Variants in PRKD1 observed in about 807,000 individuals in gnomAD.
PRKD1 encodes the protein serine/threonine-protein kinase D1.
PRKD1 carries 63 observed loss-of-function variants against 95.9 expected under a neutral mutation model. The ratio of observed to expected loss-of-function variants is 0.66; its 90% CI spans 0.54 to 0.81. PRKD1 has a LOEUF of 0.81. Ranked by LOEUF, PRKD1 falls within the 30% of genes least tolerant of loss-of-function variation. The probability of loss-of-function intolerance (pLI) is 0.00; values close to 1 mark genes in which losing one functional copy is unlikely to be tolerated. For synonymous variants in PRKD1, 425 were observed against 423.1 expected (o/e 1.00, Z -0.05); for missense variants, 1,048 against 1,165.3 (o/e 0.90, Z 1.47).
At chr14:29,656,516 T>C in intron 4 of PRKD1, 2 of 1,535,164 alleles carry the variant, frequency 1.3e-6, no homozygotes, top group Non-Finnish European at 1.7e-6. Flanking sequence ...CATGAAGTTG[T>C]AAGAGCAAAA....
intron 12 of PRKD1, among the ~76,000 whole-genome samples, chr14:29,624,499 G>A (rs932932713): frequency 3.3e-5 from 5 of 151,912 alleles, no homozygotes; most frequent in Non-Finnish European, 5.9e-5. Context: ...AAAGCTATAC[G>A]TATCAACACC....
intron 13 of PRKD1, among the ~76,000 whole-genome samples, chr14:29,623,683 T>C (rs956172173): frequency 5.9e-5 from 9 of 152,182 alleles, no homozygotes; most frequent in African/African-American, 2.2e-4. Context: ...CAATGCCCGA[T>C]GTCAAATGAA....
intron 1 of PRKD1, among the ~76,000 whole-genome samples, chr14:29,919,827 G>T (rs761624296): frequency 6.6e-6 from 1 of 152,028 alleles, no homozygotes; most frequent in Non-Finnish European, 1.5e-5. Flanking sequence ...TCATCCAGGC[G>T]TGGTGGCACA....
At position 29,624,252 on chromosome 14, in the gene PRKD1, T is replaced by C. The variant is rs1412761695; in HGVS notation, c.1805A>G (p.His602Arg). The C allele has an allele frequency of 1.0e-5, 16 of 1,596,778 alleles. No individual in the cohort carries two copies. The East Asian group carries it at 2.9e-4, about 29-fold the overall frequency. The change falls in exon 13 of 18, where the codon CAT becomes CGT. Residue 602 changes from histidine to arginine, a missense_variant. This residue lies in a region of PRKD1 where 739 missense variants were observed against 861.9 expected (regional missense o/e 0.86). Coordinates refer to ENST00000331968, the MANE Select transcript of PRKD1 (RefSeq NM_002742.3). ...AGCTACATCTCTTCCTGTTTTACGA[T>C]GTTTTCCTTTAAAATGAAAAAGGGA... is the stretch of plus-strand genomic sequence containing the variant. Reference protein sequence around the residue: ...GQFGIVYGGKHRKTGRDVAIK... With the variant: ...GQFGIVYGGKRRKTGRDVAIK...
rs576562000 is a variant in PRKD1 at position 29,700,966 on chromosome 14, G to A, written c.403+24570C>T. Among the ~76,000 whole-genome samples, 5 of 44,052 alleles carry A rather than the reference G, an allele frequency of 1.1e-4. No individual in the cohort carries two copies. In the South Asian group the frequency reaches 3.6e-3, roughly 32 times the overall value. 28.9% of individuals were successfully genotyped at this position (44,052 alleles called of 152,430 possible). Reference sequence around the variant, plus strand: ...TTCCTCCCAAGGCATTTGTGTGTACGCGTGCGCATGCGCGCGCGCGCGCAC... The same window carrying A: ...TTCCTCCCAAGGCATTTGTGTGTACACGTGCGCATGCGCGCGCGCGCGCAC... On this transcript the variant is annotated intron_variant, in intron 2 of 17. Transcript: ENST00000331968.
At chr14:29,773,867 T>C (rs942875574) in intron 1 of PRKD1, among the ~76,000 whole-genome samples, 1 of 152,236 alleles carries the variant, frequency 6.6e-6, no homozygotes, top group African/African-American at 2.4e-5. Context: ...TAAGCGATTA[T>C]GATCAGTAGT....
At chr14:29,752,513 C>T (rs1226754703) in intron 1 of PRKD1, among the ~76,000 whole-genome samples, 2 of 151,818 alleles carry the variant, frequency 1.3e-5, no homozygotes, top group African/African-American at 4.8e-5. Context: ...CACATACAAG[C>T]ACTTTTTATT....
intron 4 of PRKD1, among the ~76,000 whole-genome samples, chr14:29,655,520 G>C (rs953553725): frequency 1.3e-5 from 2 of 152,120 alleles, no homozygotes; most frequent in Non-Finnish European, 2.9e-5. Context: ...ATAACAGTAT[G>C]TCAACTCTCA....
At chr14:29,668,658 A>T (rs1336242227) in intron 2 of PRKD1, among the ~76,000 whole-genome samples, 1 of 152,232 alleles carries the variant, frequency 6.6e-6, no homozygotes. Flanking sequence ...TACAGAAGAA[A>T]TAAGGCTTCT....
chr14:29,868,224 A>G (rs889734108), intron 1 of PRKD1, among the ~76,000 whole-genome samples: 9 of 152,090 alleles, frequency 5.9e-5, no homozygotes, highest in African/African-American at 2.2e-4. Context: ...ATCAAGAAAA[A>G]CCCACGCTGA....
intron 16 of PRKD1, among the ~76,000 whole-genome samples, chr14:29,596,797 T>C (rs45606033): frequency 0.062 from 9,372 of 152,262 alleles, 950 homozygotes; most frequent in African/African-American, 0.21. Context: ...CTTTCCGAAG[T>C]ACTGAATGAG....
chr14:29,787,569 T>A (rs562865399), intron 1 of PRKD1, among the ~76,000 whole-genome samples: 1 of 152,122 alleles, frequency 6.6e-6, no homozygotes, highest in African/African-American at 2.4e-5. Flanking sequence ...GATCCTCTTA[T>A]CATTATATAA....
chr14:29,815,935 T>C (rs1890668997), intron 1 of PRKD1, among the ~76,000 whole-genome samples: 1 of 152,112 alleles, frequency 6.6e-6, no homozygotes, highest in African/African-American at 2.4e-5. Flanking sequence ...CTTAGTCATA[T>C]CAGGCCGGGC....
chr14:29,824,967 G>A (rs1360922862), intron 1 of PRKD1, among the ~76,000 whole-genome samples: 1 of 152,066 alleles, frequency 6.6e-6, no homozygotes, highest in Non-Finnish European at 1.5e-5. Flanking sequence ...TGAAAAGCCA[G>A]ATAATTATCA....
At chr14:29,702,616 C>T (rs1033222539) in intron 2 of PRKD1, among the ~76,000 whole-genome samples, 6 of 151,842 alleles carry the variant, frequency 4.0e-5, no homozygotes, top group African/African-American at 1.5e-4. Flanking sequence ...AACTGTACTA[C>T]CCTTCACTTC....
At chr14:29,865,003 C>T (rs1361841252) in intron 1 of PRKD1, among the ~76,000 whole-genome samples, 8 of 152,162 alleles carry the variant, frequency 5.3e-5, no homozygotes, top group Admixed American at 1.3e-4. Context: ...CTGTCTTTAA[C>T]CATTTTCTGT....
intron 1 of PRKD1, among the ~76,000 whole-genome samples, chr14:29,882,164 G>C (rs987775958): frequency 6.6e-6 from 1 of 152,112 alleles, no homozygotes; most frequent in Non-Finnish European, 1.5e-5. Flanking sequence ...TAAAAACAAA[G>C]CATTTCTGCT....
intron 1 of PRKD1, among the ~76,000 whole-genome samples, chr14:29,759,236 A>G (rs1392470429): frequency 1.4e-4 from 21 of 152,110 alleles, no homozygotes; most frequent in Admixed American, 1.3e-3. Context: ...GAAGTATATT[A>G]TTAGGACGCA....
intron 15 of PRKD1, 24 bp downstream of exon 15, chr14:29,599,003 G>T (rs746519788): frequency 6.3e-7 from 1 of 1,584,920 alleles, no homozygotes; most frequent in Non-Finnish European, 8.7e-7. Flanking sequence ...CTGGCTTTTT[G>T]CTGAGAGAGG....
Sources: allele counts gnomAD v4.1 joint callset (sites outside exome capture counted in the v4.1 genomes callset), GRCh38; gene constraint gnomAD v4.1.1; regional missense constraint gnomAD v4.1.1; transcripts MANE v1.5; gene names NCBI Gene and HGNC (gene_info 2026-07-23, HGNC 2026-07-21).